The following KLRG1 variants were observed in gnomAD, a reference collection of about 807,000 sequenced individuals.
The protein encoded by KLRG1 is killer cell lectin-like receptor subfamily G member 1.
KLRG1 carries 16 observed loss-of-function variants against 21.8 expected under a neutral mutation model. That is an observed-to-expected ratio of 0.73 (90% CI 0.50 to 1.11). The LOEUF is 1.11. Ranked by LOEUF, KLRG1 falls within the 50% of genes most tolerant of loss-of-function variation. The pLI, the probability that KLRG1 is intolerant of heterozygous loss-of-function variation, is 0.00. For missense variants in KLRG1, 173 were observed against 218.3 expected, an observed-to-expected ratio of 0.79 and a Z score of 1.31; for synonymous variants, 69 against 75.9, an observed-to-expected ratio of 0.91 and a Z score of 0.47.
chr12:9,108,351 C>A, the KLRG1 span, among the ~76,000 whole-genome samples: 1 of 152,146 alleles, frequency 6.6e-6, no homozygotes, highest in Non-Finnish European at 1.5e-5. Flanking sequence ...TGGTCTTGAT[C>A]TCCTGACCTC....
chr12:9,100,975 C>G, the KLRG1 span, among the ~76,000 whole-genome samples: 1 of 152,042 alleles, frequency 6.6e-6, no homozygotes, highest in South Asian at 2.1e-4. Context: ...GATGGGTGCA[C>G]CAAAATCTCG....
At chr12:9,082,300 G>A in the KLRG1 span, among the ~76,000 whole-genome samples, 1 of 152,174 alleles carries the variant, frequency 6.6e-6, no homozygotes, top group Non-Finnish European at 1.5e-5. Context: ...GTCCCAAATA[G>A]CAGAATCATC....
chr12:9,098,839 T>C, the KLRG1 span: 7 of 1,489,920 alleles, frequency 4.7e-6, no homozygotes, highest in South Asian at 1.3e-5. Context: ...GTGTTCCTCA[T>C]GTACAATGTA....
At chr12:9,068,875 A>G in the KLRG1 span, 16 of 1,484,608 alleles carry the variant, frequency 1.1e-5, no homozygotes, top group Non-Finnish European at 1.5e-5. Flanking sequence ...ATGACCTTTC[A>G]GGAAGCTTTC....
chr12:9,105,845 T>TA, the KLRG1 span, among the ~76,000 whole-genome samples: 1 of 152,212 alleles, frequency 6.6e-6, no homozygotes, highest in Non-Finnish European at 1.5e-5. Flanking sequence ...CATACAAAGT[T>TA]AGTGTTAGCA....
chr12:8,964,528 G>C (rs1332866742), intron 1 of KLRG1, among the ~76,000 whole-genome samples: 1 of 152,162 alleles, frequency 6.6e-6, no homozygotes, highest in African/African-American at 2.4e-5. Context: ...TTGGAGTGGA[G>C]AGTTCTGTAG....
the KLRG1 span, among the ~76,000 whole-genome samples, chr12:9,143,125 A>T: frequency 6.6e-6 from 1 of 152,222 alleles, no homozygotes; most frequent in African/African-American, 2.4e-5. Flanking sequence ...TGAGGTTAGA[A>T]TTATGTAAAT....
the KLRG1 span, among the ~76,000 whole-genome samples, chr12:9,061,678 A>G: frequency 2.0e-5 from 3 of 152,126 alleles, no homozygotes; most frequent in Non-Finnish European, 2.9e-5. Flanking sequence ...GATGAAAAAG[A>G]AGTTATTTAT....
the KLRG1 span, chr12:9,068,981 A>C: frequency 1.8e-6 from 1 of 556,284 alleles, no homozygotes; most frequent in African/African-American, 1.9e-5. Context: ...TAAATTGTGC[A>C]GAAATCTCTC....
At chr12:9,080,259 G>T in the KLRG1 span, 1 of 911,476 alleles carries the variant, frequency 1.1e-6, no homozygotes, top group Non-Finnish European at 1.7e-6. Context: ...CAGAAGCTAG[G>T]ACTATGCCTT....
the KLRG1 span, among the ~76,000 whole-genome samples, chr12:9,091,017 T>C: frequency 6.6e-6 from 1 of 152,154 alleles, no homozygotes; most frequent in Non-Finnish European, 1.5e-5. Context: ...TGAAGGGTTA[T>C]AAGGGCTAGA....
intron 1 of KLRG1, among the ~76,000 whole-genome samples, chr12:8,966,060 C>T (rs1202672555): frequency 6.6e-6 from 1 of 152,152 alleles, no homozygotes; most frequent in African/African-American, 2.4e-5. Flanking sequence ...TGATCTTTGA[C>T]AAACCTGAGA....
chr12:8,985,654 T>A (rs891698234), upstream of KLRG1, among the ~76,000 whole-genome samples: 2 of 152,176 alleles, frequency 1.3e-5, no homozygotes, highest in Non-Finnish European at 2.9e-5. Context: ...CTTATGTTTA[T>A]CAGTTTATTA....
At chr12:9,095,396 C>T in the KLRG1 span, 5 of 744,158 alleles carry the variant, frequency 6.7e-6, no homozygotes, top group Admixed American at 1.8e-4. Context: ...CGCAGATCTG[C>T]TGCTATTAGT....
chr12:9,109,779 G>T, the KLRG1 span: 1 of 1,322,992 alleles, frequency 7.6e-7, no homozygotes, highest in Non-Finnish European at 1.0e-6. Flanking sequence ...CATGGGAAAT[G>T]GAAAGACTCC....
chr12:9,149,641 C>A, the KLRG1 span: 564 of 1,599,974 alleles, frequency 3.5e-4, 3 homozygotes, highest in African/African-American at 6.9e-3. Flanking sequence ...AACGAAAGAT[C>A]TATGAACTAG....
At chr12:9,034,310 G>A in the KLRG1 span, among the ~76,000 whole-genome samples, 7 of 152,124 alleles carry the variant, frequency 4.6e-5, no homozygotes, top group East Asian at 1.2e-3. Flanking sequence ...TCACGTGTTC[G>A]TGGTGATGCT....
chr12:9,076,939 G>A, the KLRG1 span: 7 of 1,574,162 alleles, frequency 4.4e-6, no homozygotes, highest in Admixed American at 3.6e-5. Context: ...ACAGGGTGCT[G>A]TGAAGGCAGA....
chr12:9,209,456 G>C, the KLRG1 span, among the ~76,000 whole-genome samples: 226 of 151,876 alleles, frequency 1.5e-3, 2 homozygotes, highest in African/African-American at 5.2e-3. Context: ...CACAAATATA[G>C]AGAGCAAGAT....
Sources: gnomAD v4.1 joint callset for allele counts (sites outside exome capture counted in the v4.1 genomes callset) on GRCh38, gnomAD v4.1.1 for gene constraint, MANE v1.5 for transcripts, NCBI Gene and HGNC (gene_info 2026-07-23, HGNC 2026-07-21) for gene names.